Variants in FAT1 observed in about 807,000 individuals in gnomAD.
FAT1 encodes the protein FAT atypical cadherin 1.
In FAT1, 171 loss-of-function variants were observed where a neutral mutation model predicts 329.8. The observed-to-expected ratio is 0.52, with a 90% confidence interval of 0.46 to 0.59. The LOEUF (loss-of-function observed/expected upper bound fraction) is 0.59. Among genes scored for constraint, FAT1 ranks in the 20% least tolerant of loss-of-function variants. FAT1 has a pLI of 0.00. For synonymous variants in FAT1, 2,233 were observed against 2,228.6 expected, an observed-to-expected ratio of 1.00 and a Z score of -0.06; for missense variants, 5,672 against 5,774.4, an observed-to-expected ratio of 0.98 and a Z score of 0.57.
At position 186,636,613 on chromosome 4, in the gene FAT1, GA is replaced by G; in HGVS notation, c.3943del (p.Ser1315GlnfsTer53). On this transcript the variant is annotated frameshift_variant, in exon 5 of 27. Coordinates refer to ENST00000441802, the MANE Select transcript of FAT1 (RefSeq NM_005245.4). LOFTEE classifies it high-confidence loss of function. Reference sequence around the variant, plus strand: ...AAGAATATCATATTCTCCAGCTGCTGAAAACCTCTTGGACGAAACCACTCCA... The same window carrying G: ...AAGAATATCATATTCTCCAGCTGCTGAAACCTCTTGGACGAAACCACTCCA... Reference protein sequence around the residue: ...KTGVVSSKRFSAAGEYDILSI... With the variant: ...KTGVVSSKRFXAAGEYDILSI... 6.2e-7 allele frequency: 1 copy of G among 1,612,622 alleles called. No individual in the cohort carries two copies.
Position 186,716,481 on chromosome 4 carries a change from G to A in FAT1, c.-18-6636C>T, listed in dbSNP as rs7691262. Among the ~76,000 whole-genome samples the A allele has an allele frequency of 6.6e-3, 1,000 of 151,418 alleles. 10 individuals are homozygous for A. The highest frequency in any genetic ancestry group is 0.023 in the African/African-American group (956 of 41,226). On this transcript the variant is annotated intron_variant, in intron 1 of 26. Coordinates refer to ENST00000441802, the MANE Select transcript of FAT1 (RefSeq NM_005245.4). ...CTTGCTCTATCTCCCAGGCTGGAGAGCAGTGGCACCATCATAGCTCACTGC... is the reference window on the plus strand; with the variant it reads ...CTTGCTCTATCTCCCAGGCTGGAGAACAGTGGCACCATCATAGCTCACTGC...
At position 186,618,219 on chromosome 4, in the gene FAT1, C is replaced by CATCT. The variant is rs1357070038; in HGVS notation, c.8363_8366dup (p.Met2789IlefsTer9). ...GGATACTAACATCTACAGAAGCCAC[C>CATCT]ATCTCATGGTCATCTTGAGTGCACC... On this transcript the variant is annotated frameshift_variant, in exon 10 of 27. Transcript: ENST00000441802. LOFTEE classifies it high-confidence loss of function. The CATCT allele has an allele frequency of 6.2e-7, 1 of 1,613,916 alleles. No homozygotes were observed. Among genetic ancestry groups the CATCT allele is most frequent in the East Asian group, 2.2e-5 (1 of 44,890 alleles).
rs765816122 is a variant in FAT1, at chr4:186,618,173, T to C, written c.8413A>G (p.Asn2805Asp). Reference sequence around the variant, plus strand: ...GGACTAGATTCAAAGACCGGGCTGTTGTCATTTGCATCTTTCACTTGGATA... The same window carrying C: ...GGACTAGATTCAAAGACCGGGCTGTCGTCATTTGCATCTTTCACTTGGATA... The part of the protein sequence containing the change: ...VSIQVKDAND[N>D]SPVFESSPYE... Residue 2805 changes from asparagine to aspartate, a missense_variant, in exon 10 of 27, where the codon AAC becomes GAC. Coordinates refer to ENST00000441802, the MANE Select transcript of FAT1 (RefSeq NM_005245.4). The C allele has an allele frequency of 3.1e-6, 5 of 1,613,928 alleles. No individual in the cohort carries two copies. The highest frequency in any genetic ancestry group is 4.2e-6 in the Non-Finnish European group (5 of 1,179,914).
At chr4:186,692,625 T>G (rs1289725188) in intron 2 of FAT1, among the ~76,000 whole-genome samples, 1 of 152,170 alleles carries the variant, frequency 6.6e-6, no homozygotes, top group African/African-American at 2.4e-5. Flanking sequence ...AAGCTGAAAC[T>G]TAAGCAGAGA....
intron 2 of FAT1, among the ~76,000 whole-genome samples, chr4:186,673,150 T>C (rs1257314661): frequency 2.0e-5 from 3 of 152,292 alleles, no homozygotes; most frequent in East Asian, 1.9e-4. Context: ...CACAATTATA[T>C]GTGCAGAGAA....
intron 2 of FAT1, among the ~76,000 whole-genome samples, chr4:186,676,112 C>T (rs1042259765): frequency 9.9e-5 from 15 of 152,102 alleles, no homozygotes; most frequent in Admixed American, 9.8e-4. Context: ...AGGGAAACAG[C>T]ATTTTAACAA....
intron 2 of FAT1, among the ~76,000 whole-genome samples, chr4:186,704,723 G>A (rs1450050074): frequency 6.6e-6 from 1 of 152,114 alleles, no homozygotes; most frequent in Non-Finnish European, 1.5e-5. Flanking sequence ...ATACTGGACA[G>A]ATAAAATGAT....
chr4:186,696,553 C>T (rs1244901704), intron 2 of FAT1, among the ~76,000 whole-genome samples: 3 of 152,068 alleles, frequency 2.0e-5, no homozygotes, highest in Non-Finnish European at 4.4e-5. Flanking sequence ...GGAACACGGA[C>T]GTCTGAGACA....
chr4:186,610,028 C>A lies in FAT1; in HGVS notation c.9854-13G>T, dbSNP rs748321023. The stretch of plus-strand genomic sequence containing the variant: ...ATAAATACGGCCCCTGAATAGAAAT[C>A]AAAATTACTTCCAGCATTCTGCAAT... On this transcript the variant is annotated splice_polypyrimidine_tract_variant and intron_variant, in intron 14 of 26. Coordinates refer to ENST00000441802, the MANE Select transcript of FAT1 (RefSeq NM_005245.4). 6.5e-7 allele frequency: 1 copy of A among 1,546,656 alleles called. No individual in the cohort carries two copies. Among genetic ancestry groups the A allele is most frequent in the South Asian group, 1.1e-5 (1 of 89,090 alleles).
rs955617025 is a variant in FAT1, at chr4:186,619,655, C to T, written c.6931G>A (p.Asp2311Asn). Residue 2311 changes from aspartate to asparagine, a missense_variant, in exon 10 of 27, where the codon GAT (aspartate) becomes AAT (asparagine). Asp to Asn is a conservative substitution (Grantham distance 23). Coordinates refer to ENST00000441802, the MANE Select transcript of FAT1 (RefSeq NM_005245.4). The part of the protein sequence containing the change: ...SVVQVRATDS[D>N]SEPNRGISYQ... ...GAGATTCCTCTATTTGGTTCTGAAT[C>T]AGAATCGGTGGCTCTAACTTGAACA... 1 of 1,613,852 alleles carries T rather than the reference C, an allele frequency of 6.2e-7. No individual in the cohort carries two copies. The highest frequency in any genetic ancestry group is 1.3e-5 in the African/African-American group (1 of 74,924).
At chr4:186,715,778 CAA>C (rs1291945379) in intron 1 of FAT1, among the ~76,000 whole-genome samples, 2 of 152,204 alleles carry the variant, frequency 1.3e-5, no homozygotes, top group African/African-American at 4.8e-5. Context: ...GAAGCCAAAA[CAA>C]AGAGTGTTTA....
chr4:186,655,714 C>T (rs751289822), intron 3 of FAT1, among the ~76,000 whole-genome samples: 9 of 151,954 alleles, frequency 5.9e-5, no homozygotes, highest in Non-Finnish European at 1.3e-4. Flanking sequence ...ATTACAGGCA[C>T]GAGCCACCAC....
intron 6 of FAT1, among the ~76,000 whole-genome samples, chr4:186,634,831 G>A (rs998327512): frequency 3.3e-5 from 5 of 152,318 alleles, no homozygotes; most frequent in Non-Finnish European, 7.3e-5. Flanking sequence ...AAGCAAGCGC[G>A]CATGGAAAGC....
chr4:186,688,953 C>T (rs1389344590), intron 2 of FAT1, among the ~76,000 whole-genome samples: 1 of 152,118 alleles, frequency 6.6e-6, no homozygotes, highest in Non-Finnish European at 1.5e-5. Flanking sequence ...ATTCCATAAA[C>T]CTGAAAATGA....
intron 9 of FAT1, among the ~76,000 whole-genome samples, chr4:186,625,537 T>G (rs537664076): frequency 6.6e-6 from 1 of 152,218 alleles, no homozygotes; most frequent in Non-Finnish European, 1.5e-5. Flanking sequence ...AATCTATACC[T>G]GTACCAATTC....
intron 22 of FAT1, chr4:186,598,616 A>G (rs1292890690): frequency 6.6e-6 from 1 of 152,424 alleles, no homozygotes; most frequent in Non-Finnish European, 1.5e-5. Context: ...TGCATCCTCA[A>G]ACTCCCGGGC....
intron 2 of FAT1, among the ~76,000 whole-genome samples, chr4:186,677,452 T>C (rs1743010339): frequency 6.6e-6 from 1 of 152,036 alleles, no homozygotes; most frequent in Non-Finnish European, 1.5e-5. Context: ...AATTTGTAAA[T>C]GCATATTAAT....
rs2126495503 is a variant in FAT1 at position 186,618,451 on chromosome 4, A to T, written c.8135T>A (p.Val2712Glu). Reference sequence around the variant, plus strand: ...TGTTCCAATAGGCACGTCCTCTGACACTGTAAAGGTATAGAAAGGTTCTGA... The same window carrying T: ...TGTTCCAATAGGCACGTCCTCTGACTCTGTAAAGGTATAGAAAGGTTCTGA... ...KFSEPFYTFT[V>E]SEDVPIGTEI... Residue 2712 changes from valine (V) to glutamate (E), a missense_variant, in exon 10 of 27, where the codon GTG becomes GAG. By Grantham distance (121) the Val-to-Glu change is moderately radical. This residue lies in a region of FAT1 where 3,966 missense variants were observed against 3,915.2 expected (regional missense o/e 1.01). Coordinates refer to ENST00000441802, the MANE Select transcript of FAT1 (RefSeq NM_005245.4). 2 of 1,614,050 alleles carry T rather than the reference A, an allele frequency of 1.2e-6. No individual in the cohort carries two copies. The highest frequency in any genetic ancestry group is 1.7e-6 in the Non-Finnish European group (2 of 1,179,896).
intron 26 of FAT1, among the ~76,000 whole-genome samples, chr4:186,591,861 A>G (rs1260891642): frequency 2.6e-5 from 4 of 152,162 alleles, no homozygotes; most frequent in Non-Finnish European, 5.9e-5. Flanking sequence ...CCTAGCATAA[A>G]GGATCCCCCG....
Sources: gnomAD v4.1 joint callset for allele counts (sites outside exome capture counted in the v4.1 genomes callset) on GRCh38, gnomAD v4.1.1 for gene constraint, gnomAD v4.1.1 regional missense constraint, MANE v1.5 for transcripts, NCBI Gene and HGNC (gene_info 2026-07-23, HGNC 2026-07-21) for gene names.